Variants in PFKFB3 observed in about 807,000 individuals in gnomAD.
The protein encoded by PFKFB3 is 6-phosphofructo-2-kinase/fructose-2,6-biphosphatase 3, also known as 6-phosphofructo-2-kinase/fructose-2,6-bisphosphatase 3.
PFKFB3 carries 33 observed loss-of-function variants against 68.0 expected under a neutral mutation model. The ratio of observed to expected loss-of-function variants is 0.49; its 90% CI spans 0.37 to 0.65. PFKFB3 has a LOEUF of 0.65. Ranked by LOEUF, PFKFB3 falls within the 30% of genes least tolerant of loss-of-function variation. PFKFB3 has a pLI of 0.00. For missense variants in PFKFB3, 586 were observed against 712.2 expected, an observed-to-expected ratio of 0.82 and a Z score of 2.02; for synonymous variants, 315 against 288.2, an observed-to-expected ratio of 1.09 and a Z score of -0.94.
chr10:6,224,895 G>A (rs770173914), intron 13 of PFKFB3, among the ~76,000 whole-genome samples: 3 of 151,708 alleles, frequency 2.0e-5, no homozygotes. Flanking sequence ...GGATCAGCAG[G>A]TCAGCGCCGC....
chr10:6,208,746 G>A (rs936162402), intron 1 of PFKFB3, among the ~76,000 whole-genome samples: 4 of 152,100 alleles, frequency 2.6e-5, no homozygotes, highest in African/African-American at 7.2e-5. Flanking sequence ...TAATCTATCC[G>A]GGAGAGCAGG....
chr10:6,232,918 C>T lies in PFKFB3; in HGVS notation c.1539C>T (p.Ser513=), dbSNP rs1422693189. 13 of 1,613,244 alleles carry T rather than the reference C, an allele frequency of 8.1e-6. No homozygotes were observed. Among genetic ancestry groups the T allele is most frequent in the Non-Finnish European group, 1.1e-5 (13 of 1,179,444 alleles). ...PGQNMKGSRS[S]ADSSRKH is the part of the protein sequence containing the mutation. ...AGAACATGAAAGGCTCCCGGAGCAG[C>T]GCTGACTCCTCCAGGAAACACTGAG... Residue 513 remains serine (S), a synonymous_variant, in exon 15 of 15, where the codon AGC becomes AGT. Coordinates refer to ENST00000379775, the MANE Select transcript of PFKFB3 (RefSeq NM_004566.4).
At chr10:6,277,331 T>C in the PFKFB3 span, among the ~76,000 whole-genome samples, 1 of 152,062 alleles carries the variant, frequency 6.6e-6, no homozygotes, top group African/African-American at 2.4e-5. Flanking sequence ...CCTCCTGGGT[T>C]CCAGCGATTC....
the PFKFB3 span, among the ~76,000 whole-genome samples, chr10:6,266,393 G>A: frequency 5.3e-5 from 8 of 152,108 alleles, no homozygotes; most frequent in African/African-American, 2.4e-5. Context: ...TTCTAGGCCT[G>A]TACAATACTC....
At chr10:6,284,189 A>G in the PFKFB3 span, among the ~76,000 whole-genome samples, 10 of 152,216 alleles carry the variant, frequency 6.6e-5, no homozygotes, top group Admixed American at 6.5e-4. Flanking sequence ...ATAAATGTCA[A>G]TTAGATTCTG....
chr10:6,211,970 A>C (rs543275517), intron 1 of PFKFB3, among the ~76,000 whole-genome samples: 4 of 152,214 alleles, frequency 2.6e-5, no homozygotes, highest in Non-Finnish European at 4.4e-5. Flanking sequence ...TCCGGCTTAC[A>C]GAGGGGCTTC....
the PFKFB3 span, among the ~76,000 whole-genome samples, chr10:6,273,920 T>C: frequency 1.6e-4 from 25 of 152,240 alleles, no homozygotes; most frequent in African/African-American, 5.8e-4. Context: ...TAAATTTTTG[T>C]TGTGGGCCGG....
rs1347293298 is a variant in PFKFB3 at position 6,175,526 on chromosome 10, C to T, written c.16+30513C>T. On this transcript the variant is annotated intron_variant, in intron 1 of 14. Coordinates refer to the PFKFB3 transcript ENST00000379789. ...CAACTAGCCCGGATCTCTCACTGAC[C>T]AGCGCTAGGGCTGCAATAGGAACCT... 2.0e-5 allele frequency among the ~76,000 whole-genome samples: 3 copies of T among 152,206 alleles called. No individual in the cohort carries two copies. In the East Asian group the frequency reaches 5.8e-4, roughly 29 times the overall value.
Position 6,145,094 on chromosome 10 carries a change from G to A in PFKFB3, c.16+81G>A, listed in dbSNP as rs573917621. The A allele has an allele frequency of 3.5e-6, 4 of 1,145,020 alleles. No homozygotes were observed. The East Asian group carries it at 9.7e-5, about 28-fold the overall frequency. The allele number at this position is 1,145,020 out of a possible 1,614,324, so 70.9% of individuals were successfully genotyped here. On this transcript the variant is annotated intron_variant, in intron 1 of 14. Coordinates refer to the PFKFB3 transcript ENST00000379789. Reference sequence around the variant, plus strand: ...CCGCCTGTGGGTACCCGAGCCTTGGGTCCTCGCCAGGCGCGGAAGCACTGT... The same window carrying A: ...CCGCCTGTGGGTACCCGAGCCTTGGATCCTCGCCAGGCGCGGAAGCACTGT...
chr10:6,301,485 C>T, the PFKFB3 span, among the ~76,000 whole-genome samples: 1 of 152,092 alleles, frequency 6.6e-6, no homozygotes, highest in Non-Finnish European at 1.5e-5. Context: ...TTTTTAGTGC[C>T]CCAGAGAAGC....
chr10:6,206,085 G>T (rs1255157060), intron 1 of PFKFB3, among the ~76,000 whole-genome samples: 1 of 150,638 alleles, frequency 6.6e-6, no homozygotes, highest in Non-Finnish European at 1.5e-5. Context: ...AGTGAACAAA[G>T]GTCTCTGGTT....
intron 6 of PFKFB3, among the ~76,000 whole-genome samples, chr10:6,218,717 G>A (rs1191197000): frequency 2.0e-5 from 3 of 152,178 alleles, no homozygotes; most frequent in East Asian, 3.9e-4. Context: ...ACAGGCGTGA[G>A]CCACTGCATC....
At chr10:6,161,364 G>A (rs1482686634) in intron 1 of PFKFB3, among the ~76,000 whole-genome samples, 2 of 152,074 alleles carry the variant, frequency 1.3e-5, no homozygotes, top group Admixed American at 6.6e-5. Flanking sequence ...CATTTGTTTG[G>A]ATCATTTGTA....
chr10:6,153,894 G>C (rs545787419), intron 1 of PFKFB3, among the ~76,000 whole-genome samples: 1 of 152,016 alleles, frequency 6.6e-6, no homozygotes, highest in Non-Finnish European at 1.5e-5. Context: ...GGACCGGGAG[G>C]GAGGATTGTG....
At chr10:6,246,907 G>A (rs1462251529) in intron 14 of PFKFB3, among the ~76,000 whole-genome samples, 1 of 152,140 alleles carries the variant, frequency 6.6e-6, no homozygotes, top group African/African-American at 2.4e-5. Context: ...TTACAAGTTA[G>A]GTGCCGAAGA....
In PFKFB3 at chr10:6,232,933, G is replaced by A. The variant is rs1299208490; in HGVS notation, c.1554G>A (p.Arg518=). 1.2e-6 allele frequency: 2 copies of A among 1,612,524 alleles called. No individual in the cohort carries two copies. Among genetic ancestry groups the A allele is most frequent in the East Asian group, 4.5e-5 (2 of 44,884 alleles). ...KGSRSSADSS[R]KH ...CCCGGAGCAGCGCTGACTCCTCCAG[G>A]AAACACTGAGGCAGACGTGTCGGTT... is the stretch of plus-strand genomic sequence containing the variant. The change falls in exon 15 of 15, where the codon AGG becomes AGA. Residue 518 remains arginine (R), a synonymous_variant. Transcript: ENST00000379775.
intron 1 of PFKFB3, chr10:6,146,280 C>A: frequency 6.7e-7 from 1 of 1,487,092 alleles, no homozygotes; most frequent in Non-Finnish European, 8.9e-7. Context: ...GAGGCTGTAC[C>A]GGACTTGTTT....
chr10:6,294,360 C>T, the PFKFB3 span: 15 of 350,790 alleles, frequency 4.3e-5, no homozygotes, highest in African/African-American at 3.2e-4. Context: ...TTCCACATGG[C>T]TGGAGAGGCC....
chr10:6,213,160 TG>T (rs1220939060), intron 1 of PFKFB3, among the ~76,000 whole-genome samples: 1 of 152,118 alleles, frequency 6.6e-6, no homozygotes, highest in Non-Finnish European at 1.5e-5. Flanking sequence ...AGGGTGTGGC[TG>T]GGGGGCTGTG....
Sources: allele counts gnomAD v4.1 joint callset (sites outside exome capture counted in the v4.1 genomes callset), GRCh38; gene constraint gnomAD v4.1.1; transcripts MANE v1.5; gene names NCBI Gene and HGNC (gene_info 2026-07-23, HGNC 2026-07-21).